SETBP1: variants seen among roughly 807,000 people sequenced by gnomAD.
SETBP1 encodes the protein SET binding protein 1, also known as SET-binding protein.
A neutral mutation model predicts 101.0 loss-of-function variants in SETBP1; 9 were observed. The observed-to-expected ratio is 0.09, with a 90% confidence interval of 0.05 to 0.16. The LOEUF (loss-of-function observed/expected upper bound fraction) is 0.16. SETBP1 is among the 10% of genes least tolerant of loss of function. The pLI is 1.00. For synonymous variants in SETBP1, 818 were observed against 788.5 expected, an observed-to-expected ratio of 1.04 and a Z score of -0.63; for missense variants, 1,858 against 2,033.8, an observed-to-expected ratio of 0.91 and a Z score of 1.66.
chr18:44,719,729 T>C (rs2069543670), intron 2 of SETBP1, among the ~76,000 whole-genome samples: 1 of 152,230 alleles, frequency 6.6e-6, no homozygotes, highest in South Asian at 2.1e-4. Context: ...CTCCCAATTT[T>C]AGACTTGCAG....
intron 2 of SETBP1, among the ~76,000 whole-genome samples, chr18:44,798,056 G>T (rs1376361642): frequency 2.0e-5 from 3 of 152,110 alleles, no homozygotes; most frequent in African/African-American, 7.2e-5. Context: ...GGACCCAAAC[G>T]CTATGGATGC....
chr18:44,857,865 A>G (rs1387942223), intron 2 of SETBP1, among the ~76,000 whole-genome samples: 3 of 152,224 alleles, frequency 2.0e-5, no homozygotes, highest in African/African-American at 4.8e-5. Context: ...TTTGGCATAA[A>G]GAAAACCTTC....
At chr18:44,838,425 G>A (rs1160239841) in intron 2 of SETBP1, among the ~76,000 whole-genome samples, 2 of 152,000 alleles carry the variant, frequency 1.3e-5, no homozygotes, top group Admixed American at 6.6e-5. Context: ...AGCCCTTACT[G>A]TAATTCATGA....
chr18:44,810,276 G>T (rs751940263), intron 2 of SETBP1, among the ~76,000 whole-genome samples: 35 of 152,196 alleles, frequency 2.3e-4, no homozygotes, highest in Non-Finnish European at 4.6e-4. Context: ...TCTACCTGGC[G>T]CAGGCCCTCC....
intron 3 of SETBP1, among the ~76,000 whole-genome samples, chr18:44,880,324 T>A (rs990396678): frequency 1.1e-4 from 16 of 152,112 alleles, no homozygotes; most frequent in African/African-American, 3.9e-4. Flanking sequence ...CAGCAAATAG[T>A]CCATTGTTGA....
At chr18:44,844,856 A>G (rs1334421896) in intron 2 of SETBP1, among the ~76,000 whole-genome samples, 1 of 152,152 alleles carries the variant, frequency 6.6e-6, no homozygotes, top group Non-Finnish European at 1.5e-5. Context: ...CACCAGACAA[A>G]GAGGAGGGCT....
intron 3 of SETBP1, among the ~76,000 whole-genome samples, chr18:44,910,341 A>T (rs1395719190): frequency 6.6e-6 from 1 of 152,226 alleles, no homozygotes; most frequent in Non-Finnish European, 1.5e-5. Context: ...GACCAGGTAA[A>T]GAAAGGTGTT....
intron 3 of SETBP1, among the ~76,000 whole-genome samples, chr18:44,891,862 G>A (rs1444215682): frequency 6.6e-6 from 1 of 152,016 alleles, no homozygotes; most frequent in Non-Finnish European, 1.5e-5. Flanking sequence ...TGTCATAGAT[G>A]TCTTGAAATA....
At chr18:44,843,455 G>A (rs559987196) in intron 2 of SETBP1, among the ~76,000 whole-genome samples, 7 of 152,300 alleles carry the variant, frequency 4.6e-5, no homozygotes, top group South Asian at 2.1e-4. Context: ...TTGTGTGAAC[G>A]TGCAGCCTCT....
chr18:44,727,277 T>C (rs1170708828), intron 2 of SETBP1, among the ~76,000 whole-genome samples: 1 of 152,130 alleles, frequency 6.6e-6, no homozygotes, highest in Admixed American at 6.6e-5. Flanking sequence ...TATTTCTGTC[T>C]CTCACTTTGG....
In SETBP1 at chr18:44,943,841, T is replaced by C. The variant is rs1182207701; in HGVS notation, c.541-6040T>C. On this transcript the variant is annotated intron_variant, in intron 3 of 5. Coordinates refer to ENST00000649279, the MANE Select transcript of SETBP1 (RefSeq NM_015559.3). ...GTCCTTTCTTTTTTCTTTTTTTTTC[T>C]TTTTTTTTTTTGAGACAGAGTCTCT... Among the ~76,000 whole-genome samples, 7 of 42,074 alleles carry C rather than the reference T, an allele frequency of 1.7e-4. 1 individual carries two copies. In the South Asian group the frequency reaches 3.3e-3, roughly 20 times the overall value. 27.6% of individuals were successfully genotyped at this position (42,074 alleles called of 152,430 possible). A position where few individuals can be genotyped will look rare whatever the true frequency, so the allele number is the denominator to read the frequency against.
chr18:44,701,630 A>G lies in SETBP1; in HGVS notation c.284A>G (p.Glu95Gly). 6.2e-7 allele frequency: 1 copy of G among 1,614,174 alleles called. No individual in the cohort carries two copies. The highest frequency in any genetic ancestry group is 8.5e-7 in the Non-Finnish European group (1 of 1,180,028). Residue 95 changes from glutamate (E) to glycine (G), a missense_variant, in exon 2 of 6, where the codon GAG (glutamate) becomes GGG (glycine). Around this residue, in one of 12 missense-constraint regions of SETBP1, gnomAD observed 28 missense variants for 59.2 expected, o/e 0.47. Transcript: ENST00000649279. ...GAAGAGCAGGAATTTTCTATCAAGGAGGCAAACTTCACAGAGGGAAGTCTG... is the reference window on the plus strand; with the variant it reads ...GAAGAGCAGGAATTTTCTATCAAGGGGGCAAACTTCACAGAGGGAAGTCTG... ...GLEEQEFSIK[E>G]ANFTEGSLKL...
At chr18:44,794,012 T>C (rs1037816213) in intron 2 of SETBP1, among the ~76,000 whole-genome samples, 4 of 152,232 alleles carry the variant, frequency 2.6e-5, no homozygotes, top group African/African-American at 7.2e-5. Context: ...AGTTGGACTA[T>C]TGGCCGCTTC....
chr18:44,992,314 A>AT (rs912653817), intron 4 of SETBP1, among the ~76,000 whole-genome samples: 14 of 152,098 alleles, frequency 9.2e-5, no homozygotes, highest in African/African-American at 2.9e-4. Flanking sequence ...TAAAGCCGAC[A>AT]TTTTTTTTAA....
chr18:45,026,204 A>AT (rs956761404), intron 4 of SETBP1, among the ~76,000 whole-genome samples: 1 of 152,224 alleles, frequency 6.6e-6, no homozygotes, highest in African/African-American at 2.4e-5. Flanking sequence ...CACATCTGGC[A>AT]TTTTTGGCTT....
chr18:44,761,516 T>C (rs984359563), intron 2 of SETBP1, among the ~76,000 whole-genome samples: 1 of 152,238 alleles, frequency 6.6e-6, no homozygotes, highest in East Asian at 1.9e-4. Context: ...TGATAGATCA[T>C]AGCACAGCTA....
At chr18:44,782,357 A>G (rs939493704) in intron 2 of SETBP1, among the ~76,000 whole-genome samples, 1 of 152,204 alleles carries the variant, frequency 6.6e-6, no homozygotes, top group African/African-American at 2.4e-5. Context: ...CTACGTAGCC[A>G]ACATGACTGG....
intron 4 of SETBP1, among the ~76,000 whole-genome samples, chr18:45,013,434 C>CTTTCT (rs573114558): frequency 5.3e-5 from 8 of 150,400 alleles, no homozygotes; most frequent in African/African-American, 1.5e-4. Context: ...TTCTTTCTTT[C>CTTTCT]TTTTTTTTTG....
In SETBP1 at chr18:44,950,694, C is replaced by T. The variant is rs576758055; in HGVS notation, c.1354C>T (p.Leu452Phe). ...TMSSEVVNRI[L>F]SNSEGNKKDP... is the part of the protein sequence containing the mutation. The stretch of plus-strand genomic sequence containing the variant: ...GAGCAGTGAAGTAGTTAACAGGATA[C>T]TTTCCAACTCTGAGGGGAATAAGAA... The change falls in exon 4 of 6, where the codon CTT becomes TTT. Residue 452 changes from leucine to phenylalanine, a missense_variant. Physicochemically the swap from Leu to Phe is conservative, Grantham distance 22. Transcript: ENST00000649279. 42 of 1,614,170 alleles carry T rather than the reference C, an allele frequency of 2.6e-5. No homozygotes were observed. The highest frequency in any genetic ancestry group is 1.7e-4 in the Admixed American group (10 of 60,028).
Sources: allele counts gnomAD v4.1 joint callset (sites outside exome capture counted in the v4.1 genomes callset), GRCh38; gene constraint gnomAD v4.1.1; regional missense constraint gnomAD v4.1.1; transcripts MANE v1.5; gene names NCBI Gene and HGNC (gene_info 2026-07-23, HGNC 2026-07-21).